Variants in MAGI2 observed in about 807,000 individuals in gnomAD.
MAGI2 encodes the protein membrane-associated guanylate kinase, WW and PDZ domain-containing protein 2.
A neutral mutation model predicts 133.3 loss-of-function variants in MAGI2; 35 were observed. That is an observed-to-expected ratio of 0.26 (90% CI 0.20 to 0.35). The LOEUF is 0.35. Among genes scored for constraint, MAGI2 ranks in the 10% least tolerant of loss-of-function variants. MAGI2 has a pLI of 1.00. For synonymous variants in MAGI2, 729 were observed against 710.6 expected (o/e 1.03, Z -0.41); for missense variants, 1,636 against 1,863.4 (o/e 0.88, Z 2.25).
intron 6 of MAGI2, among the ~76,000 whole-genome samples, chr7:78,375,543 C>T (rs931953630): frequency 1.3e-5 from 2 of 151,886 alleles, no homozygotes; most frequent in Non-Finnish European, 2.9e-5. Context: ...AAACCATATC[C>T]TTCAACCCTA....
intron 3 of MAGI2, chr7:78,616,922 T>C (rs1807168982): frequency 6.6e-6 from 1 of 152,206 alleles, no homozygotes; most frequent in African/African-American, 2.4e-5. Flanking sequence ...TGAACTGTGA[T>C]TCAAACAAAT....
intron 2 of MAGI2, among the ~76,000 whole-genome samples, chr7:78,779,495 A>G (rs1162386871): frequency 6.6e-6 from 1 of 152,244 alleles, no homozygotes; most frequent in African/African-American, 2.4e-5. Context: ...GACGGAAGAA[A>G]GAGAAGAAAT....
chr7:78,179,486 T>C (rs1182426112), intron 13 of MAGI2, among the ~76,000 whole-genome samples: 2 of 152,184 alleles, frequency 1.3e-5, no homozygotes, highest in African/African-American at 2.4e-5. Flanking sequence ...CCCAGGGATA[T>C]ATGAAAGGCA....
At chr7:78,711,911 C>T (rs184355625) in intron 2 of MAGI2, among the ~76,000 whole-genome samples, 2 of 152,128 alleles carry the variant, frequency 1.3e-5, no homozygotes, top group Admixed American at 6.6e-5. Context: ...TATTTTTGAA[C>T]TTGCATTTGA....
chr7:78,420,532 C>T (rs1798701419), intron 6 of MAGI2, among the ~76,000 whole-genome samples: 1 of 147,682 alleles, frequency 6.8e-6, no homozygotes, highest in South Asian at 2.2e-4. Flanking sequence ...TTGACTCAAC[C>T]TACAATGGTT....
chr7:78,936,017 A>C (rs1009677710), intron 2 of MAGI2, among the ~76,000 whole-genome samples: 2 of 152,120 alleles, frequency 1.3e-5, no homozygotes, highest in African/African-American at 4.8e-5. Context: ...AATACATTTC[A>C]TGTCTTCCGT....
chr7:79,034,927 A>G (rs1486467526), intron 1 of MAGI2, among the ~76,000 whole-genome samples: 1 of 152,226 alleles, frequency 6.6e-6, no homozygotes, highest in African/African-American at 2.4e-5. Context: ...ATAACGAATT[A>G]GGGCTTTGAG....
At chr7:78,135,850 ATTTACT>A (rs1453257361) in intron 16 of MAGI2, among the ~76,000 whole-genome samples, 2 of 152,062 alleles carry the variant, frequency 1.3e-5, no homozygotes, top group Non-Finnish European at 2.9e-5. Flanking sequence ...CTTCTTTTTG[ATTTACT>A]TTTACATGGT....
chr7:79,294,365 A>T (rs946157968), intron 1 of MAGI2, among the ~76,000 whole-genome samples: 28 of 151,926 alleles, frequency 1.8e-4, no homozygotes, highest in African/African-American at 6.8e-4. Flanking sequence ...GGAAAAAAAA[A>T]ACTCAGCAAA....
At chr7:78,947,536 T>A (rs1801519345) in intron 2 of MAGI2, among the ~76,000 whole-genome samples, 1 of 152,160 alleles carries the variant, frequency 6.6e-6, no homozygotes, top group South Asian at 2.1e-4. Context: ...ATATTCAGTA[T>A]AACATGGCCC....
chr7:78,325,864 CT>C (rs1428586437), intron 9 of MAGI2, among the ~76,000 whole-genome samples: 1 of 152,206 alleles, frequency 6.6e-6, no homozygotes, highest in East Asian at 1.9e-4. Context: ...TTCTTAACTT[CT>C]TTTCTGACTT....
chr7:78,937,828 C>A (rs1054776362), intron 2 of MAGI2, among the ~76,000 whole-genome samples: 1 of 152,004 alleles, frequency 6.6e-6, no homozygotes, highest in Non-Finnish European at 1.5e-5. Context: ...AAAATGGGAG[C>A]TAGTAAAAGG....
intron 2 of MAGI2, among the ~76,000 whole-genome samples, chr7:78,986,896 G>A (rs567146959): frequency 6.5e-4 from 99 of 151,688 alleles, no homozygotes; most frequent in Non-Finnish European, 9.0e-4. Flanking sequence ...TGCTTCCATG[G>A]TACAAAGACA....
At chr7:78,665,906 C>G (rs1813517978) in intron 2 of MAGI2, among the ~76,000 whole-genome samples, 1 of 152,014 alleles carries the variant, frequency 6.6e-6, no homozygotes, top group Non-Finnish European at 1.5e-5. Context: ...ATGGAGCTTA[C>G]AGTTTAGTGA....
At chr7:78,639,345 TA>T (rs1403096543) in intron 2 of MAGI2, among the ~76,000 whole-genome samples, 3 of 150,624 alleles carry the variant, frequency 2.0e-5, no homozygotes, top group Non-Finnish European at 4.4e-5. Flanking sequence ...AGTGATCAAC[TA>T]TTTTTTTTAT....
Position 79,024,080 on chromosome 7 carries a change from A to G in MAGI2, c.302-16874T>C, listed in dbSNP as rs369028183. On this transcript the variant is annotated intron_variant, in intron 1 of 21. Coordinates refer to ENST00000354212, the MANE Select transcript of MAGI2 (RefSeq NM_012301.4). ...GAGGCATCACATTTCCCAATTTCAA[A>G]CTATACTACAAGGCTACATTCACCA... 2.1e-4 allele frequency among the ~76,000 whole-genome samples: 32 copies of G among 152,320 alleles called. No homozygotes were observed. In the South Asian group the frequency reaches 6.0e-3, roughly 29 times the overall value.
At chr7:78,309,215 C>T (rs1798487559) in intron 9 of MAGI2, among the ~76,000 whole-genome samples, 1 of 152,042 alleles carries the variant, frequency 6.6e-6, no homozygotes, top group African/African-American at 2.4e-5. Context: ...ATAAATCGCT[C>T]TACCAAAAAG....
chr7:78,357,032 T>C (rs1584986578), intron 7 of MAGI2, among the ~76,000 whole-genome samples: 2 of 152,216 alleles, frequency 1.3e-5, no homozygotes, highest in Admixed American at 1.3e-4. Context: ...AGGACTGTTT[T>C]GAGGAGCAAA....
chr7:79,050,698 C>T (rs777051061), intron 1 of MAGI2, among the ~76,000 whole-genome samples: 18 of 152,122 alleles, frequency 1.2e-4, no homozygotes, highest in African/African-American at 1.9e-4. Flanking sequence ...CATAAATTCT[C>T]GAAAAAATTT....
Sources: gnomAD v4.1 joint callset for allele counts (sites outside exome capture counted in the v4.1 genomes callset) on GRCh38, gnomAD v4.1.1 for gene constraint, MANE v1.5 for transcripts, NCBI Gene and HGNC (gene_info 2026-07-23, HGNC 2026-07-21) for gene names.